TCOF1: variants seen among roughly 807,000 people sequenced by gnomAD.
The protein encoded by TCOF1 is treacle protein.
In TCOF1, 33 loss-of-function variants were observed where a neutral mutation model predicts 149.0. The observed-to-expected ratio is 0.22, with a 90% CI of 0.17 to 0.30. The LOEUF (loss-of-function observed/expected upper bound fraction) is 0.30. TCOF1 is among the 10% of genes least tolerant of loss of function. The probability of loss-of-function intolerance (pLI) is 1.00; values close to 1 mark genes in which losing one functional copy is unlikely to be tolerated. For missense variants in TCOF1, 1,728 were observed against 1,840.7 expected (o/e 0.94, Z 1.12); for synonymous variants, 789 against 738.8 (o/e 1.07, Z -1.10).
rs1767291452 is a variant in TCOF1, at chr5:150,390,902, C to T, written c.3184-642C>T. Among the ~76,000 whole-genome samples the T allele has an allele frequency of 7.2e-5, 11 of 152,250 alleles. 1 individual carries two copies. In the South Asian group the frequency reaches 2.3e-3, roughly 32 times the overall value. The stretch of plus-strand genomic sequence containing the variant: ...GGCAGCGATTAAACAAGGAAACCCA[C>T]ATATAAATAAAAAGTATTCACCAGC... On this transcript the variant is annotated intron_variant, in intron 19 of 26. Coordinates refer to ENST00000643257, the MANE Select transcript of TCOF1 (RefSeq NM_001371623.1).
At chr5:150,362,635 C>T (rs1289465459) in intron 2 of TCOF1, among the ~76,000 whole-genome samples, 1 of 152,028 alleles carries the variant, frequency 6.6e-6, no homozygotes, top group African/African-American at 2.4e-5. Context: ...GGTGTGTAAA[C>T]AAAGGCAAAA....
chr5:150,376,585 T>C lies in TCOF1; in HGVS notation c.2305T>C (p.Ser769Pro), dbSNP rs1343954247. The change falls in exon 14 of 27, where the codon TCA (serine) becomes CCA (proline). Residue 769 changes from serine (S) to proline (P), a missense_variant. This residue lies in a region of TCOF1 where 1,696 missense variants were observed against 1,765.4 expected (regional missense o/e 0.96). Coordinates refer to ENST00000643257, the MANE Select transcript of TCOF1 (RefSeq NM_001371623.1). ...QEDSESSEEE[S>P]DSEEAAASPA... ...AGACTCTGAGAGCAGTGAGGAGGAA[T>C]CAGACAGTGAGGAAGCAGCTGCATC... is the stretch of plus-strand genomic sequence containing the variant. 6.3e-7 allele frequency: 1 copy of C among 1,584,742 alleles called. No individual in the cohort carries two copies. Among genetic ancestry groups the C allele is most frequent in the Admixed American group, 1.8e-5 (1 of 54,858 alleles).
In TCOF1 at chr5:150,364,218, G is replaced by C; in HGVS notation, c.270G>C (p.Glu90Asp). 3 of 1,614,176 alleles carry C rather than the reference G, an allele frequency of 1.9e-6. No individual in the cohort carries two copies. The highest frequency in any genetic ancestry group is 2.5e-6 in the Non-Finnish European group (3 of 1,180,034). Residue 90 changes from glutamate (E) to aspartate (D), a missense_variant, in exon 3 of 27, where the codon GAG (glutamate) becomes GAC (aspartate). By Grantham distance (45) the Glu-to-Asp change is conservative. This residue lies in a region of TCOF1 where 1,696 missense variants were observed against 1,765.4 expected (regional missense o/e 0.96). Coordinates refer to ENST00000643257, the MANE Select transcript of TCOF1 (RefSeq NM_001371623.1). ...DPISTSESSE[E>D]EEEAEAETAK... Reference sequence around the variant, plus strand: ...TCAGCACCTCGGAGAGCTCGGAAGAGGAGGAAGAAGCAGAAGCCGAAACCG... The same window carrying C: ...TCAGCACCTCGGAGAGCTCGGAAGACGAGGAAGAAGCAGAAGCCGAAACCG...
At chr5:150,365,340 A>G (rs972638522) in intron 3 of TCOF1, among the ~76,000 whole-genome samples, 2 of 151,530 alleles carry the variant, frequency 1.3e-5, no homozygotes, top group African/African-American at 4.8e-5. Flanking sequence ...TTGGCCTCCA[A>G]AAGGGCTGGG....
chr5:150,384,277 A>G (rs1178911927), intron 17 of TCOF1: 5 of 989,096 alleles, frequency 5.1e-6, no homozygotes, highest in Non-Finnish European at 6.0e-6. Context: ...CTGTATTCTC[A>G]TTTTTCTGTT....
chr5:150,367,781 G>T (rs1343307114), intron 3 of TCOF1, 63 bp from the exon 4 acceptor site: 2 of 1,586,584 alleles, frequency 1.3e-6, no homozygotes, highest in African/African-American at 2.7e-5. Context: ...GATGAAACCT[G>T]TTTGCCATTC....
intron 3 of TCOF1, among the ~76,000 whole-genome samples, chr5:150,365,782 C>G (rs1761203031): frequency 1.3e-5 from 2 of 152,048 alleles, no homozygotes; most frequent in Admixed American, 1.3e-4. Context: ...TCAAGTGATC[C>G]TCCTGCCTCA....
rs1330892029 is a variant in TCOF1, at chr5:150,399,113, A to G, written c.*22+43A>G. ...TCCTGAGCATTCAGGGTGGGAGGACAGCTCTGGTGTCCCCTGTGGTCCCAG... is the reference window on the plus strand; with the variant it reads ...TCCTGAGCATTCAGGGTGGGAGGACGGCTCTGGTGTCCCCTGTGGTCCCAG... On this transcript the variant is annotated intron_variant, in intron 26 of 26. Transcript: ENST00000643257. 4.3e-6 allele frequency: 7 copies of G among 1,613,060 alleles called. No individual in the cohort carries two copies. In the South Asian group the frequency reaches 5.5e-5, roughly 13 times the overall value.
intron 1 of TCOF1, among the ~76,000 whole-genome samples, chr5:150,358,727 C>T (rs1036382760): frequency 6.6e-6 from 1 of 152,156 alleles, no homozygotes; most frequent in Non-Finnish European, 1.5e-5. Flanking sequence ...ATCCTGGCTA[C>T]TCATGTGGCT....
rs369642034 is a variant in TCOF1 at position 150,398,368 on chromosome 5, G to A, written c.4360G>A (p.Glu1454Lys). 1 of 1,612,308 alleles carries A rather than the reference G, an allele frequency of 6.2e-7. No homozygotes were observed. The highest frequency in any genetic ancestry group is 8.5e-7 in the Non-Finnish European group (1 of 1,179,526). ...KKSDKRKKDKEKKEKKKKAKK... is the reference protein window; with the variant it reads ...KKSDKRKKDKKKKEKKKKAKK... ...ACTTCCCTTAGGAAAAAAAGACAAA[G>A]AAAAAAAAGAAAAGAAGAAGAAAGC... Residue 1454 changes from glutamate to lysine, a missense_variant, in exon 25 of 27, where the codon GAA (glutamate) becomes AAA (lysine). Glu to Lys is a moderately conservative substitution (Grantham distance 56). Coordinates refer to ENST00000643257, the MANE Select transcript of TCOF1 (RefSeq NM_001371623.1).
rs774364889 is a variant in TCOF1, at chr5:150,376,337, C to G, written c.2142+7C>G. Reference sequence around the variant, plus strand: ...TGCAGTAACCGTGGGACAGGTGAGGCCTGTGTTTTCTGGGCGGGCCTCAGG... The same window carrying G: ...TGCAGTAACCGTGGGACAGGTGAGGGCTGTGTTTTCTGGGCGGGCCTCAGG... On this transcript the variant is annotated splice_region_variant and intron_variant, in intron 13 of 26. Coordinates refer to ENST00000643257, the MANE Select transcript of TCOF1 (RefSeq NM_001371623.1). 9 of 1,614,106 alleles carry G rather than the reference C, an allele frequency of 5.6e-6. No homozygotes were observed. Among genetic ancestry groups the G allele is most frequent in the Non-Finnish European group, 7.6e-6 (9 of 1,179,998 alleles).
At position 150,392,712 on chromosome 5, in the gene TCOF1, C is replaced by T. The variant is rs2151048544; in HGVS notation, c.3525C>T (p.Pro1175=). 2 of 1,614,048 alleles carry T rather than the reference C, an allele frequency of 1.2e-6. No homozygotes were observed. Among genetic ancestry groups the T allele is most frequent in the African/African-American group, 1.3e-5 (1 of 75,044 alleles). The change falls in exon 22 of 27, where the codon CCC becomes CCT. Residue 1175 remains proline, a synonymous_variant. Coordinates refer to ENST00000643257, the MANE Select transcript of TCOF1 (RefSeq NM_001371623.1). ...GATACTGTGCTTCTCCAGTAGGTCCCACCCCCTCCAGGACAGAGACCCTGG... is the reference window on the plus strand; with the variant it reads ...GATACTGTGCTTCTCCAGTAGGTCCTACCCCCTCCAGGACAGAGACCCTGG... ...GAKSAHTLVG[P]TPSRTETLVE...
At chr5:150,384,854 C>G in intron 17 of TCOF1, 1 of 985,330 alleles carries the variant, frequency 1.0e-6, no homozygotes, top group East Asian at 1.1e-4. Context: ...GAGCACCTCT[C>G]TATTGACAAG....
At chr5:150,379,810 A>G (rs1581143551) in intron 17 of TCOF1, 78 bp downstream of exon 17, 1 of 1,537,648 alleles carries the variant, frequency 6.5e-7, no homozygotes, top group Admixed American at 1.9e-5. Context: ...GGTGGCTCAC[A>G]CCTGTAATCC....
rs985468564 is a variant in TCOF1 at position 150,398,920 on chromosome 5, G to A, written c.4444-102G>A. 49 of 1,547,622 alleles carry A rather than the reference G, an allele frequency of 3.2e-5. No individual in the cohort carries two copies. In the Middle Eastern group the frequency reaches 5.0e-4, roughly 16 times the overall value. ...GCCCTTGGAGGTCGCTGCAGACCCA[G>A]TATCTATTCTAGGGGAATTCACTAG... On this transcript the variant is annotated intron_variant, in intron 25 of 26. Transcript: ENST00000643257.
intron 6 of TCOF1, among the ~76,000 whole-genome samples, chr5:150,369,992 G>C (rs1157643084): frequency 6.6e-6 from 1 of 152,190 alleles, no homozygotes; most frequent in Non-Finnish European, 1.5e-5. Flanking sequence ...GTCGTGGTCT[G>C]GCTAGGGCTG....
chr5:150,362,890 G>A (rs1760477687), intron 2 of TCOF1, among the ~76,000 whole-genome samples: 1 of 152,154 alleles, frequency 6.6e-6, no homozygotes. Flanking sequence ...GGGGGACAAG[G>A]ACCTCAAACC....
intron 2 of TCOF1, 83 bp downstream of exon 2, chr5:150,361,294 T>A: frequency 6.5e-7 from 1 of 1,534,780 alleles, no homozygotes; most frequent in Non-Finnish European, 9.0e-7. Context: ...ACCTATCTGG[T>A]CTAAGATCTG....
chr5:150,375,782 C>T lies in TCOF1; in HGVS notation c.1766C>T (p.Pro589Leu), dbSNP rs775085145. 1.2e-6 allele frequency: 2 copies of T among 1,614,150 alleles called. No homozygotes were observed. The highest frequency in any genetic ancestry group is 1.1e-5 in the South Asian group (1 of 91,096). ...KPTSSPAKGPPQKAGPVAVQV... is the reference protein window; with the variant it reads ...KPTSSPAKGPLQKAGPVAVQV... ...ACCTCCAGTCCTGCCAAGGGGCCCC[C>T]TCAGAAGGCAGGGCCTGTAGCCGTC... Residue 589 changes from proline to leucine, a missense_variant, in exon 12 of 27, where the codon CCT becomes CTT. Pro to Leu is a moderately conservative substitution (Grantham distance 98, BLOSUM62 -3). This residue lies in a region of TCOF1 where 1,696 missense variants were observed against 1,765.4 expected (regional missense o/e 0.96). Coordinates refer to ENST00000643257, the MANE Select transcript of TCOF1 (RefSeq NM_001371623.1).
Sources: allele counts gnomAD v4.1 joint callset (sites outside exome capture counted in the v4.1 genomes callset), GRCh38; gene constraint gnomAD v4.1.1; regional missense constraint gnomAD v4.1.1; transcripts MANE v1.5; gene names NCBI Gene and HGNC (gene_info 2026-07-23, HGNC 2026-07-21).